Variants in LEO1 observed in about 807,000 individuals in gnomAD.
LEO1 encodes the protein LEO1 component of Paf1/RNA polymerase II complex.
Under a neutral mutation model 80.4 loss-of-function variants are expected in LEO1, and 34 were observed. The observed-to-expected ratio is 0.42, with a 90% CI of 0.32 to 0.56. The LOEUF (loss-of-function observed/expected upper bound fraction) is 0.56. LEO1 is among the 20% of genes least tolerant of loss of function. LEO1 has a pLI of 0.10. For missense variants in LEO1, 631 were observed against 814.2 expected, an observed-to-expected ratio of 0.77 and a Z score of 2.74; for synonymous variants, 262 against 274.9, an observed-to-expected ratio of 0.95 and a Z score of 0.46.
chr15:51,948,428 T>C (rs950339702), intron 10 of LEO1, among the ~76,000 whole-genome samples: 6 of 152,130 alleles, frequency 3.9e-5, no homozygotes, highest in Admixed American at 6.6e-5. Flanking sequence ...GAAATCAGCA[T>C]TGACAAAAAA....
chr15:51,938,677 A>G (rs920163721), intron 11 of LEO1, among the ~76,000 whole-genome samples: 13 of 152,232 alleles, frequency 8.5e-5, no homozygotes, highest in Admixed American at 2.0e-4. Context: ...ATTTGTTTCA[A>G]TGCATTAAAA....
At chr15:51,957,305 A>G (rs1322110016) in intron 6 of LEO1, among the ~76,000 whole-genome samples, 1 of 152,224 alleles carries the variant, frequency 6.6e-6, no homozygotes, top group Non-Finnish European at 1.5e-5. Context: ...GACAGGAAAC[A>G]ATGAAAAGTA....
In LEO1 at chr15:51,965,796, T is replaced by G; in HGVS notation, c.767A>C (p.Glu256Ala). Residue 256 changes from glutamate to alanine, a missense_variant, in exon 2 of 12, where the codon GAA (glutamate) becomes GCA (alanine). By Grantham distance (107) the Glu-to-Ala change is moderately radical. This residue lies in a region of LEO1 where 394 missense variants were observed against 395.6 expected (regional missense o/e 1.00). Transcript: ENST00000299601. ...TTCATCATCTGAATGCCTGTGTTCTTCATCTGAGGCCTGTGGCCTTTCATC... is the reference window on the plus strand; with the variant it reads ...TTCATCATCTGAATGCCTGTGTTCTGCATCTGAGGCCTGTGGCCTTTCATC... ...SDDERPQASD[E>A]EHRHSDDEEE... 1.9e-6 allele frequency: 3 copies of G among 1,613,086 alleles called. No individual in the cohort carries two copies. The South Asian group carries it at 3.3e-5, about 18-fold the overall frequency.
At chr15:51,970,974 C>A (rs2057118180) in intron 1 of LEO1, among the ~76,000 whole-genome samples, 1 of 152,152 alleles carries the variant, frequency 6.6e-6, no homozygotes, top group African/African-American at 2.4e-5. Flanking sequence ...TTTAAAAAAA[C>A]ACCCACAATC....
Position 51,951,829 on chromosome 15 carries a change from G to T in LEO1, c.1611+15C>A. On this transcript the variant is annotated intron_variant, in intron 9 of 11. Transcript: ENST00000299601. ...CAAAGAATCCCAGGATAACGCTTAG[G>T]CTTAGCAAACATACCTTAATCATTT... The T allele has an allele frequency of 6.2e-7, 1 of 1,612,578 alleles. No homozygotes were observed. Among genetic ancestry groups the T allele is most frequent in the Non-Finnish European group, 8.5e-7 (1 of 1,178,976 alleles).
rs749802285 is a variant in LEO1, at chr15:51,938,150, C to T, written c.*6G>A. On this transcript the variant is annotated 3_prime_UTR_variant, in exon 12 of 12. Coordinates refer to ENST00000299601, the MANE Select transcript of LEO1 (RefSeq NM_138792.4). ...AAATATATAAAATGTTTTCATATTT[C>T]ATACTTCAATCATCATCTTCTTCCT... The T allele has an allele frequency of 6.9e-7, 1 of 1,445,678 alleles. No individual in the cohort carries two copies. Among genetic ancestry groups the T allele is most frequent in the South Asian group, 1.2e-5 (1 of 85,030 alleles). The allele number at this position is 1,445,678 out of a possible 1,614,324, so 89.6% of individuals were successfully genotyped here. A position where few individuals can be genotyped will look rare whatever the true frequency, so the allele number is the denominator to read the frequency against.
intron 11 of LEO1, among the ~76,000 whole-genome samples, chr15:51,941,898 T>C (rs2056856154): frequency 6.6e-6 from 1 of 152,208 alleles, no homozygotes; most frequent in Admixed American, 6.5e-5. Flanking sequence ...AATAGAGATA[T>C]GAGATGACTG....
chr15:51,971,558 G>T, intron 1 of LEO1, 130 bp downstream of exon 1: 1 of 870,350 alleles, frequency 1.1e-6, no homozygotes, highest in Non-Finnish European at 1.9e-6. Flanking sequence ...CTCCGGGAGT[G>T]CAGGGGGCGC....
At chr15:51,945,980 A>G (rs62016237) in intron 11 of LEO1, among the ~76,000 whole-genome samples, 1 of 151,616 alleles carries the variant, frequency 6.6e-6, no homozygotes, top group Non-Finnish European at 1.5e-5. Context: ...CTTGCAGTGA[A>G]CCGAGATCAC....
At chr15:51,943,699 C>CA (rs5812577) in intron 11 of LEO1, among the ~76,000 whole-genome samples, 59,331 of 122,626 alleles carry the variant, frequency 0.48, 12,532 homozygotes, top group Admixed American at 0.58. Flanking sequence ...GACCCTGTCT[C>CA]AAAAAAAAAA....
intron 6 of LEO1, among the ~76,000 whole-genome samples, chr15:51,957,428 C>T (rs2056998074): frequency 1.3e-5 from 2 of 151,890 alleles, no homozygotes; most frequent in Non-Finnish European, 2.9e-5. Flanking sequence ...GGCTAATAAA[C>T]AGATGAGTAG....
chr15:51,964,145 G>T (rs574233893), intron 2 of LEO1, among the ~76,000 whole-genome samples: 1 of 151,938 alleles, frequency 6.6e-6, no homozygotes, highest in East Asian at 1.9e-4. Context: ...GGCGGAGCTT[G>T]CAGTGAGCTG....
intron 9 of LEO1, 25 bp downstream of exon 9, chr15:51,951,819 T>C (rs1242990512): frequency 6.2e-7 from 1 of 1,603,298 alleles, no homozygotes; most frequent in East Asian, 2.2e-5. Context: ...AATCCCAGGA[T>C]AACGCTTAGG....
chr15:51,958,871 G>T, intron 5 of LEO1, 45 bp from the exon 6 acceptor site: 1 of 970,650 alleles, frequency 1.0e-6, no homozygotes, highest in Non-Finnish European at 1.6e-6. Context: ...ATTTTATAAA[G>T]AATATTACTG....
chr15:51,961,899 C>T (rs1200267076), intron 3 of LEO1, among the ~76,000 whole-genome samples: 8 of 151,778 alleles, frequency 5.3e-5, no homozygotes, highest in African/African-American at 1.2e-4. Context: ...CAGTGATTCA[C>T]GCCTGTAATC....
In LEO1 at chr15:51,960,731, T is replaced by C. The variant is rs1327871413; in HGVS notation, c.922A>G (p.Asn308Asp). Residue 308 changes from asparagine to aspartate, a missense_variant and splice_region_variant, in exon 4 of 12, where the codon AAT (asparagine) becomes GAT (aspartate). Asn to Asp is a conservative substitution (Grantham distance 23). Coordinates refer to ENST00000299601, the MANE Select transcript of LEO1 (RefSeq NM_138792.4). Reference protein sequence around the residue: ...ADSDTEVPKDNSGTMDLFGGA... With the variant: ...ADSDTEVPKDDSGTMDLFGGA... ...CCAAATAAATCCATGGTTCCACTATTATCTTCAATGCAGAAGGAAAAAGGC... is the reference window on the plus strand; with the variant it reads ...CCAAATAAATCCATGGTTCCACTATCATCTTCAATGCAGAAGGAAAAAGGC... 1.3e-6 allele frequency: 2 copies of C among 1,583,920 alleles called. No homozygotes were observed. Among genetic ancestry groups the C allele is most frequent in the Non-Finnish European group, 1.7e-6 (2 of 1,152,424 alleles).
rs1229238355 is a variant in LEO1 at position 51,958,775 on chromosome 15, C to G, written c.1212G>C (p.Leu404=). 1 of 1,599,546 alleles carries G rather than the reference C, an allele frequency of 6.3e-7. No individual in the cohort carries two copies. Residue 404 remains leucine, a synonymous_variant, in exon 6 of 12, where the codon CTG becomes CTC. Coordinates refer to ENST00000299601, the MANE Select transcript of LEO1 (RefSeq NM_138792.4). ...YEDEFEDEEM[L]DEEGRTRLKL... ...TTAACCTGGTTCTACCTTCTTCATC[C>G]AGCATTTCTTCATCTTCAAATTCAT...
chr15:51,948,727 T>C (rs1346199079), intron 10 of LEO1, among the ~76,000 whole-genome samples: 6 of 152,250 alleles, frequency 3.9e-5, no homozygotes, highest in East Asian at 1.9e-4. Context: ...AGGGAAACTA[T>C]GTAACTCTTC....
At position 51,963,897 on chromosome 15, in the gene LEO1, C is replaced by CAAAA. The variant is rs1217618326; in HGVS notation, c.815-1408_815-1405dup. Among the ~76,000 whole-genome samples, 226 of 57,496 alleles carry CAAAA rather than the reference C, an allele frequency of 3.9e-3. 13 individuals are homozygous for CAAAA. Among genetic ancestry groups the CAAAA allele is most frequent in the African/African-American group, 0.015 (218 of 14,338 alleles). The allele number at this position is 57,496 out of a possible 152,430, so 37.7% of individuals were successfully genotyped here. The stretch of plus-strand genomic sequence containing the variant: ...AGCCTGGATGACAGAGACTCTGTCT[C>CAAAA]AAAAAAAAAAAAAAAAAAAAAATGA... On this transcript the variant is annotated intron_variant, in intron 2 of 11. Transcript: ENST00000299601.
Sources: gnomAD v4.1 joint callset for allele counts (sites outside exome capture counted in the v4.1 genomes callset) on GRCh38, gnomAD v4.1.1 for gene constraint, gnomAD v4.1.1 regional missense constraint, MANE v1.5 for transcripts, NCBI Gene and HGNC (gene_info 2026-07-23, HGNC 2026-07-21) for gene names.